ANKUB1: variants seen among roughly 807,000 people sequenced by gnomAD.
The protein encoded by ANKUB1 is protein ANKUB1.
A neutral mutation model predicts 49.3 loss-of-function variants in ANKUB1; 42 were observed. The observed-to-expected ratio is 0.85, with a 90% confidence interval of 0.67 to 1.10. ANKUB1 has a LOEUF of 1.10. Among genes scored for constraint, ANKUB1 ranks in the 50% least tolerant of loss-of-function variants. The probability of loss-of-function intolerance (pLI) is 0.00; values close to 1 mark genes in which losing one functional copy is unlikely to be tolerated. For synonymous variants in ANKUB1, 222 were observed against 231.0 expected, an observed-to-expected ratio of 0.96 and a Z score of 0.35; for missense variants, 613 against 642.0, an observed-to-expected ratio of 0.95 and a Z score of 0.49.
At chr3:149,792,223 A>G (rs1359860104) in intron 1 of ANKUB1, 54 bp downstream of exon 1, 1 of 1,279,654 alleles carries the variant, frequency 7.8e-7, no homozygotes, top group Non-Finnish European at 1.1e-6. Flanking sequence ...TTTTAAATGC[A>G]CTGCATTGTT....
At chr3:149,788,917 A>G (rs1401147264) in intron 2 of ANKUB1, among the ~76,000 whole-genome samples, 2 of 151,876 alleles carry the variant, frequency 1.3e-5, no homozygotes, top group East Asian at 3.9e-4. Flanking sequence ...ATGGGATTAC[A>G]GGTGTGCCCA....
rs1328564847 is a variant in ANKUB1 at position 149,767,756 on chromosome 3, A to C, written c.906T>G (p.Ser302=). ...TCATTGGGACTGAAATTTTTGGAAA[A>C]GAAACTGTGGACCACATTTTACTGA... ...YLLSKMWSTV[S]FPKISVPMRI... The change falls in exon 5 of 6, where the codon TCT becomes TCG. Residue 302 remains serine (S), a synonymous_variant. Transcript: ENST00000446160. 6.4e-7 allele frequency: 1 copy of C among 1,551,624 alleles called. No homozygotes were observed. Among genetic ancestry groups the C allele is most frequent in the Non-Finnish European group, 8.7e-7 (1 of 1,146,944 alleles).
rs1717809446 is a variant in ANKUB1 at position 149,780,429 on chromosome 3, C to T, written c.261G>A (p.Val87=). The stretch of plus-strand genomic sequence containing the variant: ...TTGTGTCTTGAGTTACAGCATTGAA[C>T]ACGTATAGAGTAGGCTTGTCTTCTT... ...VKEEDKPTLY[V]FNAVTQDTMP... is the part of the protein sequence containing the mutation. The change falls in exon 3 of 6, where the codon GTG becomes GTA. Residue 87 remains valine, a synonymous_variant. Coordinates refer to ENST00000446160, the MANE Select transcript of ANKUB1 (RefSeq NM_001144960.3). 6 of 1,552,046 alleles carry T rather than the reference C, an allele frequency of 3.9e-6. No homozygotes were observed. Among genetic ancestry groups the T allele is most frequent in the Non-Finnish European group, 4.4e-6 (5 of 1,146,972 alleles).
At position 149,766,683 on chromosome 3, in the gene ANKUB1, A is replaced by T. The variant is rs1717030553; in HGVS notation, c.1505+474T>A. 5 of 599,582 alleles carry T rather than the reference A, an allele frequency of 8.3e-6. 2 individuals carry two copies. The highest frequency in any genetic ancestry group is 1.5e-5 in the Non-Finnish European group (5 of 339,046). 37.1% of individuals were successfully genotyped at this position (599,582 alleles called of 1,614,324 possible). On this transcript the variant is annotated intron_variant, in intron 5 of 5. Transcript: ENST00000446160. ...TATAGTGGCATGTGCCTGTAGTCCC[A>T]GCTACTTGGAAGGCTGAGATGGGAG...
intron 2 of ANKUB1, among the ~76,000 whole-genome samples, chr3:149,789,960 A>T (rs1390525772): frequency 6.6e-6 from 1 of 152,344 alleles, no homozygotes. Flanking sequence ...TAAAAGAAAG[A>T]GTTAACTTTG....
chr3:149,784,993 C>T (rs1047004032), intron 2 of ANKUB1, among the ~76,000 whole-genome samples: 2 of 152,100 alleles, frequency 1.3e-5, no homozygotes, highest in South Asian at 2.1e-4. Flanking sequence ...AAAACTTAAG[C>T]AATCGTTTCC....
At chr3:149,767,117 A>G (rs1254395543) in intron 5 of ANKUB1, 40 bp downstream of exon 5, 1 of 1,456,440 alleles carries the variant, frequency 6.9e-7, no homozygotes, top group Non-Finnish European at 9.1e-7. Context: ...CCTGCCTTAT[A>G]AAAGCTTTGC....
In ANKUB1 at chr3:149,780,439, G is replaced by C; in HGVS notation, c.251C>G (p.Thr84Ser). ...AGTTACAGCATTGAACACGTATAGA[G>C]TAGGCTTGTCTTCTTCCTAAAGGGA... ...KCFVKEEDKPTLYVFNAVTQD... is the reference protein window; with the variant it reads ...KCFVKEEDKPSLYVFNAVTQD... Residue 84 changes from threonine (T) to serine (S), a missense_variant, in exon 3 of 6, where the codon ACT becomes AGT. Thr to Ser is a moderately conservative substitution (Grantham distance 58). Coordinates refer to ENST00000446160, the MANE Select transcript of ANKUB1 (RefSeq NM_001144960.3). The C allele has an allele frequency of 6.4e-7, 1 of 1,551,862 alleles. No individual in the cohort carries two copies. The highest frequency in any genetic ancestry group is 8.7e-7 in the Non-Finnish European group (1 of 1,146,792).
chr3:149,767,470 G>T lies in ANKUB1; in HGVS notation c.1192C>A (p.Pro398Thr). The T allele has an allele frequency of 6.4e-7, 1 of 1,551,698 alleles. No individual in the cohort carries two copies. Among genetic ancestry groups the T allele is most frequent in the Non-Finnish European group, 8.7e-7 (1 of 1,146,998 alleles). ...KPVNPLAISQ[P>T]DTRKQALKFH... ...TTGAGGGCTTGTTTTCTTGTGTCCGGCTGTGAAATTGCCAAAGGATTGACA... is the reference window on the plus strand; with the variant it reads ...TTGAGGGCTTGTTTTCTTGTGTCCGTCTGTGAAATTGCCAAAGGATTGACA... The change falls in exon 5 of 6, where the codon CCG becomes ACG. Residue 398 changes from proline (P) to threonine (T), a missense_variant. Pro to Thr is a conservative substitution (Grantham distance 38). Transcript: ENST00000446160.
intron 1 of ANKUB1, 117 bp from the exon 2 acceptor site, chr3:149,791,041 G>A (rs1718336934): frequency 1.9e-6 from 2 of 1,041,820 alleles, no homozygotes; most frequent in African/African-American, 1.6e-5. Context: ...TTGGGACAAA[G>A]GGAAGAAGTA....
Position 149,767,490 on chromosome 3 carries a change from T to C in ANKUB1, c.1172A>G (p.Asn391Ser), listed in dbSNP as rs1027011566. ...SKQTASSKPV[N>S]PLAISQPDTR... Reference sequence around the variant, plus strand: ...GTCCGGCTGTGAAATTGCCAAAGGATTGACAGGTTTGCTGCTTGCAGTTTG... The same window carrying C: ...GTCCGGCTGTGAAATTGCCAAAGGACTGACAGGTTTGCTGCTTGCAGTTTG... The change falls in exon 5 of 6, where the codon AAT becomes AGT. Residue 391 changes from asparagine to serine, a missense_variant. By Grantham distance (46) the Asn-to-Ser change is conservative (BLOSUM62 1). Coordinates refer to ENST00000446160, the MANE Select transcript of ANKUB1 (RefSeq NM_001144960.3). 156 of 1,551,606 alleles carry C rather than the reference T, an allele frequency of 1.0e-4. No individual in the cohort carries two copies. Among genetic ancestry groups the C allele is most frequent in the Non-Finnish European group, 1.3e-4 (152 of 1,147,002 alleles).
intron 2 of ANKUB1, among the ~76,000 whole-genome samples, chr3:149,790,382 T>C (rs1467567675): frequency 1.3e-5 from 2 of 152,180 alleles, no homozygotes; most frequent in African/African-American, 4.8e-5. Context: ...TCATTCTTAT[T>C]GTTACTGAGA....
chr3:149,767,645 A>G lies in ANKUB1; in HGVS notation c.1017T>C (p.Phe339=). ...TCACAGTGTCTCCAACTTTTGCCCC[A>G]AAGACCCTTGCTCCACAAAACTGGC... is the stretch of plus-strand genomic sequence containing the variant. ...HKSQFCGARV[F]GAKVGDTVMV... The change falls in exon 5 of 6, where the codon TTT becomes TTC. Residue 339 remains phenylalanine (F), a synonymous_variant. Coordinates refer to ENST00000446160, the MANE Select transcript of ANKUB1 (RefSeq NM_001144960.3). The G allele has an allele frequency of 6.4e-7, 1 of 1,551,660 alleles. No homozygotes were observed. The highest frequency in any genetic ancestry group is 2.4e-5 in the East Asian group (1 of 40,922).
intron 3 of ANKUB1, among the ~76,000 whole-genome samples, chr3:149,777,595 G>T (rs1025141477): frequency 1.3e-5 from 2 of 152,152 alleles, no homozygotes; most frequent in Admixed American, 6.5e-5. Flanking sequence ...TCCTCCTTCT[G>T]CCCTTGGCTG....
chr3:149,777,500 C>A (rs75253786), intron 3 of ANKUB1, among the ~76,000 whole-genome samples: 14,072 of 151,080 alleles, frequency 0.093, 927 homozygotes, highest in African/African-American at 0.19. Context: ...ACAACAACAA[C>A]AAAAAAACAC....
intron 5 of ANKUB1, among the ~76,000 whole-genome samples, chr3:149,765,380 A>G (rs1468836691): frequency 1.3e-5 from 2 of 152,172 alleles, no homozygotes; most frequent in Non-Finnish European, 2.9e-5. Flanking sequence ...ATCTGATCTG[A>G]GTAGTGCTTG....
Position 149,767,309 on chromosome 3 carries a change from G to T in ANKUB1, c.1353C>A (p.Leu451=). Residue 451 remains leucine (L), a synonymous_variant, in exon 5 of 6, where the codon CTC becomes CTA. Coordinates refer to ENST00000446160, the MANE Select transcript of ANKUB1 (RefSeq NM_001144960.3). ...AATATCCCACTCTTGAAACTGGAGG[G>T]AGGGGGACTTGGGGAAGATATGTGT... ...IKNTYLPQVP[L]PPVSRVGYSH... 1 of 1,551,638 alleles carries T rather than the reference G, an allele frequency of 6.4e-7. No homozygotes were observed. Among genetic ancestry groups the T allele is most frequent in the Non-Finnish European group, 8.7e-7 (1 of 1,146,970 alleles).
chr3:149,762,908 C>T (rs574210903), intron 5 of ANKUB1, among the ~76,000 whole-genome samples: 2 of 152,324 alleles, frequency 1.3e-5, no homozygotes, highest in East Asian at 1.9e-4. Flanking sequence ...TTCTTGCTTG[C>T]TCTTTCACAA....
intron 4 of ANKUB1, 82 bp from the exon 5 acceptor site, chr3:149,768,177 A>T (rs1324524203): frequency 6.1e-6 from 6 of 977,460 alleles, no homozygotes; most frequent in Middle Eastern, 2.5e-4. Context: ...TGCTCATGAA[A>T]TATTCTAGTT....
Sources: allele counts gnomAD v4.1 joint callset (sites outside exome capture counted in the v4.1 genomes callset), GRCh38; gene constraint gnomAD v4.1.1; transcripts MANE v1.5; gene names NCBI Gene and HGNC (gene_info 2026-07-23, HGNC 2026-07-21).